The following POGZ variants were observed in gnomAD, a reference collection of about 807,000 sequenced individuals.
The protein encoded by POGZ is pogo transposable element with ZNF domain.
Under a neutral mutation model 134.6 loss-of-function variants are expected in POGZ, and 17 were observed. The ratio of observed to expected loss-of-function variants is 0.13; its 90% CI spans 0.09 to 0.19. The LOEUF is 0.19. POGZ is among the 10% of genes least tolerant of loss of function. The pLI is 1.00. For missense variants in POGZ, 1,306 were observed against 1,769.7 expected (o/e 0.74, Z 4.70); for synonymous variants, 693 against 657.1 (o/e 1.05, Z -0.84).
At chr1:151,445,074 T>C (rs1661075025) in intron 1 of POGZ, among the ~76,000 whole-genome samples, 1 of 151,654 alleles carries the variant, frequency 6.6e-6, no homozygotes, top group Non-Finnish European at 1.5e-5. Flanking sequence ...AAAAAACAAA[T>C]GGAAATAACC....
chr1:151,456,023 G>A (rs1662730728), intron 1 of POGZ, among the ~76,000 whole-genome samples: 1 of 151,622 alleles, frequency 6.6e-6, no homozygotes, highest in Non-Finnish European at 1.5e-5. Context: ...GATTACAGGA[G>A]TGAGCCACCA....
chr1:151,456,616 A>G (rs1662804820), intron 1 of POGZ, among the ~76,000 whole-genome samples: 1 of 152,226 alleles, frequency 6.6e-6, no homozygotes, highest in African/African-American at 2.4e-5. Context: ...ATTTAATCAC[A>G]AATTCTTAAA....
At chr1:151,436,699 G>A (rs1256207460) in intron 3 of POGZ, among the ~76,000 whole-genome samples, 1 of 152,002 alleles carries the variant, frequency 6.6e-6, no homozygotes, top group Non-Finnish European at 1.5e-5. Flanking sequence ...CTTTTTATGG[G>A]CAAATAATAT....
chr1:151,438,171 A>T (rs1383999485), intron 3 of POGZ, among the ~76,000 whole-genome samples: 2 of 152,184 alleles, frequency 1.3e-5, no homozygotes, highest in East Asian at 3.9e-4. Flanking sequence ...AGATCACATC[A>T]CTGCACTCCA....
intron 1 of POGZ, among the ~76,000 whole-genome samples, chr1:151,444,723 C>T (rs1661025840): frequency 6.6e-6 from 1 of 152,074 alleles, no homozygotes; most frequent in Non-Finnish European, 1.5e-5. Flanking sequence ...TTTACAATAC[C>T]TTAAGAGTTT....
intron 2 of POGZ, among the ~76,000 whole-genome samples, chr1:151,441,328 C>T (rs1242635410): frequency 6.6e-6 from 1 of 152,182 alleles, no homozygotes; most frequent in African/African-American, 2.4e-5. Context: ...GCCCACTGAA[C>T]TGGGATTTTA....
chr1:151,458,895 C>G (rs949659702), intron 1 of POGZ, among the ~76,000 whole-genome samples: 1 of 143,274 alleles, frequency 7.0e-6, no homozygotes, highest in Non-Finnish European at 1.5e-5. Context: ...CGGCCCTTCG[C>G]GCGGCTCCCG....
intron 1 of POGZ, chr1:151,450,947 C>T (rs935883153): frequency 2.6e-5 from 4 of 152,108 alleles, no homozygotes; most frequent in African/African-American, 7.3e-5. Context: ...CGCCTGTAAT[C>T]CCAGCACTTT....
chr1:151,441,412 C>T (rs1395397788), intron 2 of POGZ, among the ~76,000 whole-genome samples: 1 of 152,192 alleles, frequency 6.6e-6, no homozygotes, highest in African/African-American at 2.4e-5. Flanking sequence ...TATTCATAAT[C>T]ATGCATATTA....
Position 151,430,776 on chromosome 1 carries a change from G to C in POGZ, c.349C>G (p.Leu117Val). The C allele has an allele frequency of 6.3e-7, 1 of 1,599,054 alleles. No individual in the cohort carries two copies. Among genetic ancestry groups the C allele is most frequent in the Non-Finnish European group, 8.5e-7 (1 of 1,174,140 alleles). The change falls in exon 4 of 19, where the codon CTG (leucine) becomes GTG (valine). Residue 117 changes from leucine to valine, a missense_variant. By Grantham distance (32) the Leu-to-Val change is conservative. Transcript: ENST00000271715. ...LILTQNPAPG[L>V]GTMVTQPVLR... ...ACTGGTTGAGTAACCATTGTGCCCA[G>C]ACCTGGGGCTGGATTCTGGGTCAGG...
intron 4 of POGZ, 21 bp from the exon 5 acceptor site, chr1:151,429,732 A>G (rs1309466127): frequency 7.1e-7 from 1 of 1,414,230 alleles, no homozygotes; most frequent in Non-Finnish European, 1.0e-6. Context: ...AAGCAAAATG[A>G]TCTTTAACAT....
At chr1:151,452,037 C>T (rs919146254) in intron 1 of POGZ, among the ~76,000 whole-genome samples, 1 of 140,618 alleles carries the variant, frequency 7.1e-6, no homozygotes, top group Non-Finnish European at 1.5e-5. Context: ...GTGGAGGTTG[C>T]AGTGAGCCGA....
intron 7 of POGZ, 104 bp downstream of exon 7, chr1:151,427,719 T>G: frequency 1.3e-6 from 1 of 781,750 alleles, no homozygotes. Flanking sequence ...AGCAGCTGTA[T>G]TTTATTTTAT....
intron 10 of POGZ, among the ~76,000 whole-genome samples, chr1:151,415,569 G>A (rs1655483475): frequency 6.6e-6 from 1 of 151,512 alleles, no homozygotes; most frequent in Admixed American, 6.6e-5. Context: ...TACTCGGGAG[G>A]CTGAGGCAGA....
At chr1:151,454,647 G>A (rs1357720246) in intron 1 of POGZ, among the ~76,000 whole-genome samples, 1 of 152,180 alleles carries the variant, frequency 6.6e-6, no homozygotes, top group African/African-American at 2.4e-5. Flanking sequence ...ATATTCAGGA[G>A]TCCCTTTCCC....
intron 11 of POGZ, among the ~76,000 whole-genome samples, chr1:151,412,081 A>G (rs191458351): frequency 1.3e-5 from 2 of 152,324 alleles, no homozygotes; most frequent in East Asian, 3.9e-4. Flanking sequence ...GAATATGCAC[A>G]TGTTCCCGGC....
chr1:151,435,641 T>C (rs1446420892), intron 3 of POGZ, among the ~76,000 whole-genome samples: 1 of 151,824 alleles, frequency 6.6e-6, no homozygotes, highest in Non-Finnish European at 1.5e-5. Flanking sequence ...TACAGGTAAA[T>C]GCCACCACAC....
rs761882052 is a variant in POGZ at position 151,428,049 on chromosome 1, G to A, written c.860-8C>T. Reference sequence around the variant, plus strand: ...GAGAGGGGAAGGAGGGAGCTACGGTGACCAAGTGATAATCATCTGTTCTCC... The same window carrying A: ...GAGAGGGGAAGGAGGGAGCTACGGTAACCAAGTGATAATCATCTGTTCTCC... On this transcript the variant is annotated splice_region_variant and splice_polypyrimidine_tract_variant and intron_variant, in intron 6 of 18. Transcript: ENST00000271715. 2 of 1,613,820 alleles carry A rather than the reference G, an allele frequency of 1.2e-6. No homozygotes were observed. Among genetic ancestry groups the A allele is most frequent in the Admixed American group, 1.7e-5 (1 of 60,000 alleles).
At chr1:151,425,181 G>T in intron 7 of POGZ, 120 bp from the exon 8 acceptor site, 2 of 622,014 alleles carry the variant, frequency 3.2e-6, no homozygotes. Flanking sequence ...GCAAGCATGA[G>T]AGATCACTAT....
Sources: gnomAD v4.1 joint callset for allele counts (sites outside exome capture counted in the v4.1 genomes callset) on GRCh38, gnomAD v4.1.1 for gene constraint, MANE v1.5 for transcripts, NCBI Gene and HGNC (gene_info 2026-07-23, HGNC 2026-07-21) for gene names.